KALRN: variants seen among roughly 807,000 people sequenced by gnomAD.
The protein encoded by KALRN is kalirin.
KALRN carries 70 observed loss-of-function variants against 353.7 expected under a neutral mutation model. That is an observed-to-expected ratio of 0.20 (90% confidence interval 0.16 to 0.24). The LOEUF is 0.24. Ranked by LOEUF, KALRN falls within the 10% of genes least tolerant of loss-of-function variation. KALRN has a pLI of 1.00. For missense variants in KALRN, 2,791 were observed against 3,756.7 expected, an observed-to-expected ratio of 0.74 and a Z score of 6.72; for synonymous variants, 1,391 against 1,434.8, an observed-to-expected ratio of 0.97 and a Z score of 0.69.
At chr3:124,637,837 G>T (rs2081537994) in intron 37 of KALRN, among the ~76,000 whole-genome samples, 1 of 152,178 alleles carries the variant, frequency 6.6e-6, no homozygotes, top group South Asian at 2.1e-4. Context: ...TACAATGGGG[G>T]GAAAAACTGA....
intron 33 of KALRN, among the ~76,000 whole-genome samples, chr3:124,523,861 G>A (rs944027209): frequency 6.6e-6 from 1 of 152,204 alleles, no homozygotes; most frequent in African/African-American, 2.4e-5. Context: ...TCTTCCTTCT[G>A]CTTCTATACT....
chr3:124,624,242 ATTGCAGTGCTTGCG>A (rs985860901), intron 34 of KALRN, among the ~76,000 whole-genome samples: 1 of 152,174 alleles, frequency 6.6e-6, no homozygotes, highest in African/African-American at 2.4e-5. Context: ...TTGTCCTGGC[ATTGCAGTGCTTGCG>A]TTCAAGTTAC....
chr3:124,202,786 C>G (rs1251168883), intron 1 of KALRN, among the ~76,000 whole-genome samples: 1 of 152,178 alleles, frequency 6.6e-6, no homozygotes, highest in African/African-American at 2.4e-5. Flanking sequence ...AGACACACCT[C>G]TTCCCCTCTG....
chr3:124,612,574 T>C (rs1238832201), intron 34 of KALRN, among the ~76,000 whole-genome samples: 3 of 152,176 alleles, frequency 2.0e-5, no homozygotes, highest in Non-Finnish European at 4.4e-5. Flanking sequence ...TCACCTCAGG[T>C]GATCTGCCCG....
chr3:124,274,535 C>T (rs774808282), intron 5 of KALRN, among the ~76,000 whole-genome samples: 3 of 152,216 alleles, frequency 2.0e-5, no homozygotes, highest in African/African-American at 7.2e-5. Context: ...AGAAGATATT[C>T]GCACTTTGGG....
chr3:124,413,775 C>G lies in KALRN; in HGVS notation c.2542+110C>G, dbSNP rs1406281198. On this transcript the variant is annotated intron_variant, in intron 14 of 59. Coordinates refer to ENST00000682506, the MANE Select transcript of KALRN (RefSeq NM_001388419.1). The stretch of plus-strand genomic sequence containing the variant: ...TTTATTCATTTTATTCCTACAGATA[C>G]AAAGAATAGAGATTTTTACCCACAT... The G allele has an allele frequency of 3.4e-6, 3 of 890,462 alleles. No individual in the cohort carries two copies. In the South Asian group the frequency reaches 5.8e-5, roughly 17 times the overall value. 55.2% of individuals were successfully genotyped at this position (890,462 alleles called of 1,614,324 possible).
At chr3:124,471,388 C>T (rs1296390484) in intron 25 of KALRN, among the ~76,000 whole-genome samples, 1 of 151,550 alleles carries the variant, frequency 6.6e-6, no homozygotes, top group African/African-American at 2.4e-5. Context: ...CAGGTTCAAG[C>T]GATTCTCCTG....
chr3:124,143,719 C>A (rs2066924915), intron 1 of KALRN, among the ~76,000 whole-genome samples: 1 of 152,114 alleles, frequency 6.6e-6, no homozygotes, highest in African/African-American at 2.4e-5. Flanking sequence ...CATAGACAGG[C>A]AGGACAAACA....
intron 33 of KALRN, among the ~76,000 whole-genome samples, chr3:124,552,092 T>A (rs930279277): frequency 2.0e-5 from 3 of 152,200 alleles, no homozygotes; most frequent in African/African-American, 7.2e-5. Flanking sequence ...TAAAGGGCCA[T>A]ACAGATGTTA....
chr3:124,687,122 C>T (rs1210593262), intron 51 of KALRN, among the ~76,000 whole-genome samples: 1 of 152,046 alleles, frequency 6.6e-6, no homozygotes, highest in Non-Finnish European at 1.5e-5. Context: ...GTCCTCAGAA[C>T]AAATGTTAAT....
At chr3:124,557,707 C>T (rs2071443062) in intron 33 of KALRN, among the ~76,000 whole-genome samples, 1 of 152,102 alleles carries the variant, frequency 6.6e-6, no homozygotes, top group African/African-American at 2.4e-5. Context: ...ATCAGATGAT[C>T]AGATGGAAGA....
At chr3:124,651,580 A>G (rs1245682917) in intron 38 of KALRN, among the ~76,000 whole-genome samples, 1 of 151,762 alleles carries the variant, frequency 6.6e-6, no homozygotes, top group Non-Finnish European at 1.5e-5. Flanking sequence ...TATACCACAT[A>G]CCACTAGTGC....
chr3:124,150,641 T>C (rs1398102577), intron 1 of KALRN, among the ~76,000 whole-genome samples: 1 of 152,216 alleles, frequency 6.6e-6, no homozygotes, highest in Non-Finnish European at 1.5e-5. Context: ...TTTTCATGGA[T>C]TTTTTATTTT....
intron 34 of KALRN, among the ~76,000 whole-genome samples, chr3:124,575,195 C>T (rs2073970366): frequency 6.6e-6 from 1 of 152,226 alleles, no homozygotes; most frequent in South Asian, 2.1e-4. Context: ...TCCACTAACC[C>T]CAGCCAGAAT....
intron 34 of KALRN, among the ~76,000 whole-genome samples, chr3:124,572,169 A>G (rs1476648902): frequency 6.6e-6 from 1 of 151,304 alleles, no homozygotes; most frequent in East Asian, 2.0e-4. Context: ...CCAAAAATAC[A>G]AAAAATTAGC....
At chr3:124,426,842 T>A (rs917657550) in intron 15 of KALRN, among the ~76,000 whole-genome samples, 4 of 152,216 alleles carry the variant, frequency 2.6e-5, no homozygotes, top group African/African-American at 9.6e-5. Context: ...CAGAAAGATT[T>A]GAAAGACCTA....
intron 33 of KALRN, among the ~76,000 whole-genome samples, chr3:124,502,259 C>CG (rs1561157658): frequency 6.6e-6 from 1 of 152,128 alleles, no homozygotes; most frequent in East Asian, 1.9e-4. Context: ...TGTGCTCCTA[C>CG]GGGGGGAAAG....
At chr3:124,475,897 C>T (rs1052776597) in intron 26 of KALRN, among the ~76,000 whole-genome samples, 1 of 151,998 alleles carries the variant, frequency 6.6e-6, no homozygotes, top group Non-Finnish European at 1.5e-5. Flanking sequence ...ATACAAAGCT[C>T]ATATTAATGC....
chr3:124,520,277 G>C (rs941895863), intron 33 of KALRN, among the ~76,000 whole-genome samples: 1 of 152,026 alleles, frequency 6.6e-6, no homozygotes, highest in African/African-American at 2.4e-5. Context: ...TCCTCAGCAC[G>C]TTCAAGTGAT....
Sources: allele counts gnomAD v4.1 joint callset (sites outside exome capture counted in the v4.1 genomes callset), GRCh38; gene constraint gnomAD v4.1.1; transcripts MANE v1.5; gene names NCBI Gene and HGNC (gene_info 2026-07-23, HGNC 2026-07-21).